ANKRD33: variants seen among roughly 807,000 people sequenced by gnomAD.
ANKRD33 encodes the protein photoreceptor ankyrin repeat protein.
Under a neutral mutation model 20.6 loss-of-function variants are expected in ANKRD33, and 20 were observed. The observed-to-expected ratio is 0.97, with a 90% CI of 0.68 to 1.41. The LOEUF is 1.41. ANKRD33 is among the 40% of genes most tolerant of loss of function. ANKRD33 has a pLI of 0.00. For missense variants in ANKRD33, 545 were observed against 579.6 expected (o/e 0.94, Z 0.61); for synonymous variants, 246 against 245.0 (o/e 1.00, Z -0.04).
At position 51,891,711 on chromosome 12, in the gene ANKRD33, C is replaced by A; in HGVS notation, c.*406C>A. The A allele has an allele frequency of 5.7e-6, 1 of 175,512 alleles. No individual in the cohort carries two copies. Among genetic ancestry groups the A allele is most frequent in the Non-Finnish European group, 1.2e-5 (1 of 82,464 alleles). The allele number at this position is 175,512 out of a possible 1,614,324, so 10.9% of individuals were successfully genotyped here. On this transcript the variant is annotated 3_prime_UTR_variant, in exon 5 of 5. Transcript: ENST00000301190. Reference sequence around the variant, plus strand: ...GAAGTAAAATTTTCACGAAGATAAACATGACTAAGACAAATATATAGCGAG... The same window carrying A: ...GAAGTAAAATTTTCACGAAGATAAAAATGACTAAGACAAATATATAGCGAG...
intron 4 of ANKRD33, chr12:51,890,300 A>G: frequency 3.0e-6 from 2 of 665,260 alleles, no homozygotes; most frequent in East Asian, 6.8e-5. Flanking sequence ...GGCAGCCTGC[A>G]CCGCTGCTCT....
Position 51,890,898 on chromosome 12 carries a change from C to G in ANKRD33, c.952C>G (p.Pro318Ala). The change falls in exon 5 of 5, where the codon CCC becomes GCC. Residue 318 changes from proline to alanine, a missense_variant. By Grantham distance (27) the Pro-to-Ala change is conservative. Coordinates refer to ENST00000301190, the MANE Select transcript of ANKRD33 (RefSeq NM_182608.4). The part of the protein sequence containing the change: ...LVTATTSLAS[P>A]FVTTACHTLC... ...GACTGCCACAACCAGCCTGGCCAGT[C>G]CCTTCGTCACCACTGCCTGCCACAC... 6.2e-7 allele frequency: 1 copy of G among 1,613,496 alleles called. No homozygotes were observed. The highest frequency in any genetic ancestry group is 1.6e-4 in the Middle Eastern group (1 of 6,062).
chr12:51,889,490 C>A lies in ANKRD33; in HGVS notation c.637+8C>A. 1 of 1,613,216 alleles carries A rather than the reference C, an allele frequency of 6.2e-7. No individual in the cohort carries two copies. Among genetic ancestry groups the A allele is most frequent in the Non-Finnish European group, 8.5e-7 (1 of 1,179,670 alleles). ...CTGCCATGCGGAACCGCTGTGAGTG[C>A]GTGGCCACCCTCCTCATGGCAGGTG... On this transcript the variant is annotated splice_region_variant and intron_variant, in intron 4 of 4. Transcript: ENST00000301190.
In ANKRD33 at chr12:51,889,371, G is replaced by T. The variant is rs375077088; in HGVS notation, c.527-1G>T. On this transcript the variant is annotated splice_acceptor_variant, in intron 3 of 4. Transcript: ENST00000301190. LOFTEE classifies it high-confidence loss of function. Reference sequence around the variant, plus strand: ...CCAAGCTTACCCTTGCTGCCCTGCAGGCCACGTGCCTCTAGTGAGTCTCCT... The same window carrying T: ...CCAAGCTTACCCTTGCTGCCCTGCATGCCACGTGCCTCTAGTGAGTCTCCT... 2 of 1,613,810 alleles carry T rather than the reference G, an allele frequency of 1.2e-6. No homozygotes were observed. The highest frequency in any genetic ancestry group is 1.3e-5 in the African/African-American group (1 of 74,940).
At position 51,891,348 on chromosome 12, in the gene ANKRD33, C is replaced by G. The variant is rs1329981394; in HGVS notation, c.*43C>G. 6.3e-7 allele frequency: 1 copy of G among 1,585,576 alleles called. No individual in the cohort carries two copies. The highest frequency in any genetic ancestry group is 1.3e-5 in the African/African-American group (1 of 74,314). The stretch of plus-strand genomic sequence containing the variant: ...CAGGCTGGGAACAGGTAATCAGGCC[C>G]CTCCCAGGGCTTCTTTCCCCTCTGG... On this transcript the variant is annotated 3_prime_UTR_variant, in exon 5 of 5. Coordinates refer to ENST00000301190, the MANE Select transcript of ANKRD33 (RefSeq NM_182608.4).
rs976678701 is a variant in ANKRD33, at chr12:51,890,991, G to T, written c.1045G>T (p.Ala349Ser). 1.2e-6 allele frequency: 2 copies of T among 1,613,480 alleles called. No individual in the cohort carries two copies. The highest frequency in any genetic ancestry group is 1.7e-5 in the Admixed American group (1 of 60,012). ...GTCCGTGCCAGAGCTGTTAGGTACT[G>T]CCCCGCCCCCTCCCCTGGTTCCCCA... ...SKSVPELLGT[A>S]PPPPLVPQSP... The change falls in exon 5 of 5, where the codon GCC becomes TCC. Residue 349 changes from alanine to serine, a missense_variant. Physicochemically the swap from Ala to Ser is moderately conservative, Grantham distance 99 (BLOSUM62 1). Transcript: ENST00000301190.
chr12:51,890,943 C>T lies in ANKRD33; in HGVS notation c.997C>T (p.Pro333Ser). Residue 333 changes from proline (P) to serine (S), a missense_variant, in exon 5 of 5, where the codon CCT (proline) becomes TCT (serine). Coordinates refer to ENST00000301190, the MANE Select transcript of ANKRD33 (RefSeq NM_182608.4). ...ACHTLCPDHP[P>S]SLGTRSKSVP... ...CCACACTCTGTGCCCTGACCATCCA[C>T]CTTCGCTGGGCACCCGAAGCAAGTC... 1 of 1,613,652 alleles carries T rather than the reference C, an allele frequency of 6.2e-7. No individual in the cohort carries two copies. The highest frequency in any genetic ancestry group is 8.5e-7 in the Non-Finnish European group (1 of 1,180,020).
At chr12:51,890,150 T>A in intron 4 of ANKRD33, 2 of 315,104 alleles carry the variant, frequency 6.3e-6, no homozygotes, top group East Asian at 7.3e-5. Flanking sequence ...CCCTTTCTTT[T>A]GTCTTAGAGT....
intron 1 of ANKRD33, 28 bp downstream of exon 1, chr12:51,888,359 G>C (rs1323781546): frequency 6.2e-7 from 1 of 1,613,470 alleles, no homozygotes; most frequent in Non-Finnish European, 8.5e-7. Flanking sequence ...CCCTCTCTCC[G>C]TGAGTCTCAC....
At position 51,888,204 on chromosome 12, in the gene ANKRD33, T is replaced by C; in HGVS notation, c.18T>C (p.Ser6=). 4 of 1,614,156 alleles carry C rather than the reference T, an allele frequency of 2.5e-6. No individual in the cohort carries two copies. The highest frequency in any genetic ancestry group is 3.4e-6 in the Non-Finnish European group (4 of 1,180,012). ...AGCTCTTTATGAAAGTCCAGCCATC[T>C]GTTACCTGCGTTGCTTCCTGGGGAG... is the stretch of plus-strand genomic sequence containing the variant. The part of the protein sequence containing the change: MKVQP[S]VTCVASWGGI... The change falls in exon 1 of 5, where the codon TCT becomes TCC. Residue 6 remains serine, a synonymous_variant. Transcript: ENST00000301190.
At chr12:51,889,620 T>TG in intron 4 of ANKRD33, 138 bp downstream of exon 4, 1 of 1,425,030 alleles carries the variant, frequency 7.0e-7, no homozygotes, top group Non-Finnish European at 9.3e-7. Context: ...GAGGTGGAGA[T>TG]GGGGGATCAA....
At chr12:51,888,984 G>T (rs1298748782) in intron 2 of ANKRD33, 83 bp from the exon 3 acceptor site, 1 of 1,597,136 alleles carries the variant, frequency 6.3e-7, no homozygotes, top group Non-Finnish European at 8.5e-7. Context: ...GCAGGCTCTG[G>T]GACAGATATG....
Position 51,888,711 on chromosome 12 carries a change from G to C in ANKRD33, c.289G>C (p.Gly97Arg). ...KETPTPGCRLGALYWACVHND... is the reference protein window; with the variant it reads ...KETPTPGCRLRALYWACVHND... ...GACCCCCACCCCAGGCTGCAGGCTG[G>C]GGGCCCTGTATTGGGCCTGTGTCCA... The change falls in exon 2 of 5, where the codon GGG (glycine) becomes CGG (arginine). Residue 97 changes from glycine to arginine, a missense_variant. Gly to Arg is a moderately radical substitution (Grantham distance 125). Coordinates refer to ENST00000301190, the MANE Select transcript of ANKRD33 (RefSeq NM_182608.4). 6.2e-7 allele frequency: 1 copy of C among 1,613,948 alleles called. No individual in the cohort carries two copies. Among genetic ancestry groups the C allele is most frequent in the Non-Finnish European group, 8.5e-7 (1 of 1,179,942 alleles).
chr12:51,888,451 G>A, intron 1 of ANKRD33, 117 bp from the exon 2 acceptor site: 7 of 1,567,592 alleles, frequency 4.5e-6, no homozygotes, highest in Non-Finnish European at 6.0e-6. Flanking sequence ...GATGGGGCGA[G>A]ACCCCTGCTG....
rs780843226 is a variant in ANKRD33 at position 51,888,285 on chromosome 12, G to A, written c.99G>A (p.Trp33Ter). The A allele has an allele frequency of 2.5e-5, 40 of 1,614,152 alleles. No homozygotes were observed. Among genetic ancestry groups the A allele is most frequent in the Middle Eastern group, 1.6e-4 (1 of 6,062 alleles). ...CAGTGATTGTGCTCCGCGGAGCCTG[G>A]GCTGTGCCCCGCGTTGACTGCCTCA... is the stretch of plus-strand genomic sequence containing the variant. ...GDPVIVLRGA[W>*]AVPRVDCLID... is the part of the protein sequence containing the mutation. The change falls in exon 1 of 5, where the codon TGG becomes TGA. Residue 33 changes from tryptophan (W) to a stop codon, truncating the protein, a stop_gained. Coordinates refer to ENST00000301190, the MANE Select transcript of ANKRD33 (RefSeq NM_182608.4). LOFTEE classifies it high-confidence loss of function.
rs534183083 is a variant in ANKRD33 at position 51,891,327 on chromosome 12, C to G, written c.*22C>G. The G allele has an allele frequency of 1.8e-4, 297 of 1,606,338 alleles. 7 individuals are homozygous for G. In the South Asian group the frequency reaches 3.2e-3, roughly 17 times the overall value. Reference sequence around the variant, plus strand: ...GTAGGGGAAGATGGGATAGGACAGGCTGGGAACAGGTAATCAGGCCCCTCC... The same window carrying G: ...GTAGGGGAAGATGGGATAGGACAGGGTGGGAACAGGTAATCAGGCCCCTCC... On this transcript the variant is annotated 3_prime_UTR_variant, in exon 5 of 5. Coordinates refer to ENST00000301190, the MANE Select transcript of ANKRD33 (RefSeq NM_182608.4).
chr12:51,891,482 A>G lies in ANKRD33; in HGVS notation c.*177A>G. The G allele has an allele frequency of 8.8e-7, 1 of 1,139,048 alleles. No homozygotes were observed. The highest frequency in any genetic ancestry group is 1.2e-6 in the Non-Finnish European group (1 of 830,472). 70.6% of individuals were successfully genotyped at this position (1,139,048 alleles called of 1,614,324 possible). A position where few individuals can be genotyped will look rare whatever the true frequency, so the allele number is the denominator to read the frequency against. On this transcript the variant is annotated 3_prime_UTR_variant, in exon 5 of 5. Transcript: ENST00000301190. ...TGTTTGCAAGAGTGAAAGAGTGGAA[A>G]CACCCGAAGTGTCCATCAGTAAGGG...
chr12:51,890,102 GTGAAAAAGGAGTGAA>G (rs2139038352), intron 4 of ANKRD33: 1 of 272,012 alleles, frequency 3.7e-6, no homozygotes, highest in Non-Finnish European at 7.3e-6. Flanking sequence ...TGGGTTTGGA[GTGAAAAAGGAGTGAA>G]TGAAAAAGGA....
In ANKRD33 at chr12:51,889,384, T is replaced by TA. The variant is rs758466754; in HGVS notation, c.540dup (p.Val181SerfsTer35). Reference sequence around the variant, plus strand: ...TGCTGCCCTGCAGGCCACGTGCCTCTAGTGAGTCTCCTGCTCAACTACTAT... The same window carrying TA: ...TGCTGCCCTGCAGGCCACGTGCCTCTAAGTGAGTCTCCTGCTCAACTACTAT... On this transcript the variant is annotated frameshift_variant, in exon 4 of 5. Coordinates refer to ENST00000301190, the MANE Select transcript of ANKRD33 (RefSeq NM_182608.4). 12 of 1,614,134 alleles carry TA rather than the reference T, an allele frequency of 7.4e-6. No homozygotes were observed. Among genetic ancestry groups the TA allele is most frequent in the Non-Finnish European group, 8.5e-7 (1 of 1,180,000 alleles).
Sources: gnomAD v4.1 joint callset for allele counts on GRCh38, gnomAD v4.1.1 for gene constraint, MANE v1.5 for transcripts, NCBI Gene and HGNC (gene_info 2026-07-23, HGNC 2026-07-21) for gene names.